Variants in ZBTB21 observed in about 807,000 individuals in gnomAD.
ZBTB21 encodes zinc finger and BTB domain containing 21, also known as zinc finger and BTB domain-containing protein 21.
Under a neutral mutation model 39.8 loss-of-function variants are expected in ZBTB21, and 10 were observed. That is an observed-to-expected ratio of 0.25 (90% CI 0.16 to 0.43). The LOEUF (loss-of-function observed/expected upper bound fraction) is 0.43, where lower values mean the gene tolerates loss of function less well. Among genes scored for constraint, ZBTB21 ranks in the 20% least tolerant of loss-of-function variants. ZBTB21 has a pLI of 1.00. For missense variants in ZBTB21, 1,221 were observed against 1,296.3 expected (o/e 0.94, Z 0.89); for synonymous variants, 551 against 498.8 (o/e 1.10, Z -1.40).
chr21:41,997,561 G>A (rs1480876588), intron 2 of ZBTB21, among the ~76,000 whole-genome samples: 7 of 141,526 alleles, frequency 4.9e-5, no homozygotes, highest in Middle Eastern at 3.8e-3. Flanking sequence ...GGTTGACAGA[G>A]CAAGACGTTG....
At chr21:42,008,110 TTC>T (rs1020564625) in intron 1 of ZBTB21, 2 of 152,184 alleles carry the variant, frequency 1.3e-5, no homozygotes, top group African/African-American at 4.8e-5. Context: ...CTAAAATTTC[TTC>T]TCTTTCCCTT....
intron 2 of ZBTB21, among the ~76,000 whole-genome samples, chr21:42,000,966 T>C (rs141857741): frequency 2.1e-3 from 314 of 152,320 alleles, no homozygotes; most frequent in Non-Finnish European, 3.0e-3. Flanking sequence ...ACTAGGTACT[T>C]AATAACAGCT....
At chr21:42,008,979 C>T (rs1011504964) in intron 1 of ZBTB21, among the ~76,000 whole-genome samples, 3 of 152,138 alleles carry the variant, frequency 2.0e-5, no homozygotes, top group African/African-American at 4.8e-5. Context: ...AATGGATTAA[C>T]CCACTTTCTT....
In ZBTB21 at chr21:41,991,543, T is replaced by C; in HGVS notation, c.2553A>G (p.Ser851=). The stretch of plus-strand genomic sequence containing the variant: ...CTTCCGAGTCGAAGTTAACTTGTTC[T>C]GAAGAATCACTGAACACGTTGTCGT... ...TKDDNVFSDS[S]EQVNFDSEDS... is the part of the protein sequence containing the mutation. The change falls in exon 3 of 3, where the codon TCA becomes TCG. Residue 851 remains serine, a synonymous_variant. Transcript: ENST00000310826. The surrounding 1 kb of genome is among the most constrained non-coding windows in gnomAD (Gnocchi z 4.9). 2 of 1,614,226 alleles carry C rather than the reference T, an allele frequency of 1.2e-6. No individual in the cohort carries two copies. The highest frequency in any genetic ancestry group is 2.2e-5 in the South Asian group (2 of 91,088).
intron 1 of ZBTB21, among the ~76,000 whole-genome samples, chr21:42,007,255 C>G (rs1342955230): frequency 6.6e-6 from 1 of 152,232 alleles, no homozygotes; most frequent in Non-Finnish European, 1.5e-5. Context: ...GTACTCTTCA[C>G]TCCAATTAAA....
chr21:41,996,116 T>G (rs750505861), intron 2 of ZBTB21, among the ~76,000 whole-genome samples: 2 of 152,304 alleles, frequency 1.3e-5, no homozygotes, highest in East Asian at 3.9e-4. Flanking sequence ...AATGTGGGGT[T>G]GAAGCCCCCA....
At chr21:42,004,212 C>A (rs562755615) in intron 1 of ZBTB21, among the ~76,000 whole-genome samples, 93 of 152,202 alleles carry the variant, frequency 6.1e-4, no homozygotes, top group African/African-American at 2.1e-3. Context: ...ATTGGTCAGG[C>A]CGGTCTCGAA....
At chr21:41,994,802 G>A (rs138680137) in intron 2 of ZBTB21, among the ~76,000 whole-genome samples, 1,568 of 115,622 alleles carry the variant, frequency 0.014, 20 homozygotes, top group African/African-American at 0.055. Flanking sequence ...CTCTTGAATT[G>A]TAACTCCCAC....
chr21:41,999,472 G>A (rs1261220254), intron 2 of ZBTB21, among the ~76,000 whole-genome samples: 1 of 152,150 alleles, frequency 6.6e-6, no homozygotes, highest in Admixed American at 6.5e-5. Flanking sequence ...AATATTTTGA[G>A]AGCCACTGTT....
At position 41,993,375 on chromosome 21, in the gene ZBTB21, A is replaced by C; in HGVS notation, c.721T>G (p.Leu241Val). ...RISLVKRNAV[L>V]PSKPLQDREA... ...CTGTCTTGCAGAGGCTTTGAAGGCA[A>C]CACTGCATTTCTTTTCACCAAACTG... Residue 241 changes from leucine to valine, a missense_variant, in exon 3 of 3, where the codon TTG becomes GTG. Transcript: ENST00000310826. 2 of 1,614,132 alleles carry C rather than the reference A, an allele frequency of 1.2e-6. No homozygotes were observed. The highest frequency in any genetic ancestry group is 1.7e-6 in the Non-Finnish European group (2 of 1,180,016).
intron 2 of ZBTB21, among the ~76,000 whole-genome samples, chr21:41,999,099 T>C (rs2065786870): frequency 6.6e-6 from 1 of 152,196 alleles, no homozygotes; most frequent in African/African-American, 2.4e-5. Flanking sequence ...GACATAAGCT[T>C]ATAATGTTAC....
intron 2 of ZBTB21, among the ~76,000 whole-genome samples, chr21:42,001,585 C>T (rs1035142097): frequency 1.3e-5 from 2 of 152,204 alleles, no homozygotes; most frequent in Non-Finnish European, 2.9e-5. Flanking sequence ...CCAGGAAGGG[C>T]GTTCTACGAA....
Position 41,990,830 on chromosome 21 carries a change from G to T in ZBTB21, c.*65C>A. 1.5e-6 allele frequency: 2 copies of T among 1,362,068 alleles called. No homozygotes were observed. Among genetic ancestry groups the T allele is most frequent in the South Asian group, 4.4e-5 (2 of 45,734 alleles). 84.4% of individuals were successfully genotyped at this position (1,362,068 alleles called of 1,614,324 possible). A position where few individuals can be genotyped will look rare whatever the true frequency, so the allele number is the denominator to read the frequency against. ...GTTTAAAAAATATTTTGTTTCTTAT[G>T]ACACATTTCACAATTCAGGTTGAAA... On this transcript the variant is annotated 3_prime_UTR_variant, in exon 3 of 3. Coordinates refer to ENST00000310826, the MANE Select transcript of ZBTB21 (RefSeq NM_001098402.2).
rs1310434701 is a variant in ZBTB21 at position 41,992,233 on chromosome 21, C to T, written c.1863G>A (p.Lys621=). The change falls in exon 3 of 3, where the codon AAG becomes AAA. Residue 621 remains lysine, a synonymous_variant. Coordinates refer to ENST00000310826, the MANE Select transcript of ZBTB21 (RefSeq NM_001098402.2). The surrounding 1 kb of genome is among the most constrained non-coding windows in gnomAD (Gnocchi z 4.1). ...CTCTCTCTCTCACTATGTCAATCAG[C>T]TTTCTTTGGAATTTTTCATCCAAAA... The part of the protein sequence containing the change: ...HAVLDEKFQR[K]LIDIVREREI... The T allele has an allele frequency of 2.2e-5, 36 of 1,614,042 alleles. No homozygotes were observed. Among genetic ancestry groups the T allele is most frequent in the Non-Finnish European group, 2.9e-5 (34 of 1,180,046 alleles).
intron 2 of ZBTB21, among the ~76,000 whole-genome samples, chr21:42,000,858 C>G (rs2065808852): frequency 6.6e-6 from 1 of 152,158 alleles, no homozygotes; most frequent in Non-Finnish European, 1.5e-5. Flanking sequence ...GCCATCACAC[C>G]TGCCTGAAAA....
At chr21:41,996,368 C>T (rs186641744) in intron 2 of ZBTB21, among the ~76,000 whole-genome samples, 28 of 152,314 alleles carry the variant, frequency 1.8e-4, no homozygotes, top group Admixed American at 1.8e-3. Flanking sequence ...GGATGTGAGA[C>T]ATGGAGTCAA....
rs369852889 is a variant in ZBTB21, at chr21:41,991,231, G to A, written c.2865C>T (p.His955=). ...AFRTNFRLWS[H]FQSHMSQASE... ...AAGCCTGAGACATGTGCGATTGGAAGTGACTCCAGAGTCGAAAATTAGTGC... is the reference window on the plus strand; with the variant it reads ...AAGCCTGAGACATGTGCGATTGGAAATGACTCCAGAGTCGAAAATTAGTGC... Residue 955 remains histidine (H), a synonymous_variant, in exon 3 of 3, where the codon CAC becomes CAT. Transcript: ENST00000310826. The surrounding 1 kb of genome is among the most constrained non-coding windows in gnomAD (Gnocchi z 4.9). 1.2e-6 allele frequency: 2 copies of A among 1,614,238 alleles called. 1 individual carries two copies. The highest frequency in any genetic ancestry group is 2.2e-5 in the South Asian group (2 of 91,088).
At chr21:42,000,668 G>C (rs2065806974) in intron 2 of ZBTB21, among the ~76,000 whole-genome samples, 1 of 152,136 alleles carries the variant, frequency 6.6e-6, no homozygotes, top group South Asian at 2.1e-4. Context: ...CCCTATTTCT[G>C]CTCTAAGTCA....
At chr21:41,996,408 A>C (rs937689203) in intron 2 of ZBTB21, among the ~76,000 whole-genome samples, 2 of 152,096 alleles carry the variant, frequency 1.3e-5, no homozygotes, top group Non-Finnish European at 2.9e-5. Flanking sequence ...TTGAGATTTG[A>C]CTGTCCTGCT....
Sources: gnomAD v4.1 joint callset for allele counts (sites outside exome capture counted in the v4.1 genomes callset) on GRCh38, gnomAD v4.1.1 for gene constraint, Gnocchi (gnomAD v3.1) non-coding constraint, MANE v1.5 for transcripts, NCBI Gene and HGNC (gene_info 2026-07-23, HGNC 2026-07-21) for gene names.